Variants in GULP1 observed in about 807,000 individuals in gnomAD.
GULP1 encodes the protein GULP PTB domain containing engulfment adaptor 1, also known as PTB domain-containing engulfment adapter protein 1.
GULP1 carries 19 observed loss-of-function variants against 40.9 expected under a neutral mutation model. The observed-to-expected ratio is 0.46, with a 90% CI of 0.32 to 0.68. GULP1 has a LOEUF of 0.68. Ranked by LOEUF, GULP1 falls within the 30% of genes least tolerant of loss-of-function variation. GULP1 has a pLI of 0.03. For synonymous variants in GULP1, 119 were observed against 117.6 expected, an observed-to-expected ratio of 1.01 and a Z score of -0.08; for missense variants, 312 against 362.2, an observed-to-expected ratio of 0.86 and a Z score of 1.12.
At chr2:188,406,853 G>T (rs893248329) in intron 2 of GULP1, among the ~76,000 whole-genome samples, 9 of 151,930 alleles carry the variant, frequency 5.9e-5, no homozygotes, top group Non-Finnish European at 1.3e-4. Context: ...AAAAGACAAA[G>T]GGGAAGAAAA....
rs58687237 is a variant in GULP1 at position 188,515,706 on chromosome 2, G to GACAC, written c.91-7025_91-7022dup. ...ATACACATACACACTTACACACACA[G>GACAC]ACACACACACACACACACACACACA... is the stretch of plus-strand genomic sequence containing the variant. On this transcript the variant is annotated intron_variant, in intron 4 of 11. Coordinates refer to ENST00000409830, the MANE Select transcript of GULP1 (RefSeq NM_016315.4). Among the ~76,000 whole-genome samples the GACAC allele has an allele frequency of 2.2e-3, 322 of 145,444 alleles. 1 individual carries two copies. The highest frequency in any genetic ancestry group is 4.5e-3 in the Admixed American group (65 of 14,466).
intron 1 of GULP1, among the ~76,000 whole-genome samples, chr2:188,341,354 G>A (rs1260986611): frequency 6.6e-6 from 1 of 152,112 alleles, no homozygotes; most frequent in Non-Finnish European, 1.5e-5. Flanking sequence ...TCACAGCACA[G>A]TGCCAAGGGG....
At chr2:188,317,132 A>G (rs1387757817) in intron 1 of GULP1, among the ~76,000 whole-genome samples, 5 of 152,130 alleles carry the variant, frequency 3.3e-5, no homozygotes, top group Admixed American at 6.6e-5. Context: ...ACTCTCCCCC[A>G]TGATGTATGT....
intron 7 of GULP1, among the ~76,000 whole-genome samples, chr2:188,552,503 C>A (rs1693727787): frequency 6.6e-6 from 1 of 151,770 alleles, no homozygotes; most frequent in Non-Finnish European, 1.5e-5. Flanking sequence ...TTATTCTATT[C>A]CATTATTCTG....
intron 9 of GULP1, among the ~76,000 whole-genome samples, chr2:188,576,983 G>T (rs1298134158): frequency 6.6e-6 from 1 of 152,114 alleles, no homozygotes; most frequent in Non-Finnish European, 1.5e-5. Context: ...ATGAATGCCT[G>T]CAGAAGATTG....
chr2:188,540,026 T>C (rs577112530), intron 6 of GULP1, among the ~76,000 whole-genome samples: 5 of 152,138 alleles, frequency 3.3e-5, no homozygotes, highest in South Asian at 4.1e-4. Flanking sequence ...AAATAAAGCT[T>C]TTTTGGGGGA....
At chr2:188,533,687 A>T (rs759112629) in intron 6 of GULP1, among the ~76,000 whole-genome samples, 12 of 152,214 alleles carry the variant, frequency 7.9e-5, no homozygotes, top group Admixed American at 1.3e-4. Context: ...AACAGGGTAA[A>T]CAGACACCTA....
intron 4 of GULP1, among the ~76,000 whole-genome samples, chr2:188,505,610 G>C (rs180826966): frequency 8.6e-4 from 130 of 151,782 alleles, no homozygotes; most frequent in South Asian, 6.6e-3. Flanking sequence ...CAACCAAATA[G>C]ACACAGCATT....
intron 2 of GULP1, among the ~76,000 whole-genome samples, chr2:188,387,813 A>T (rs1233922347): frequency 6.6e-6 from 1 of 152,154 alleles, no homozygotes; most frequent in Non-Finnish European, 1.5e-5. Context: ...TCATTATTAT[A>T]TGGAGAGGAA....
Position 188,456,924 on chromosome 2 carries a change from A to G in GULP1, c.-44-20735A>G, listed in dbSNP as rs145737059. 5.9e-3 allele frequency among the ~76,000 whole-genome samples: 897 copies of G among 152,224 alleles called. 33 individuals carry two copies. The highest frequency in any genetic ancestry group is 0.054 in the Admixed American group (829 of 15,284). The stretch of plus-strand genomic sequence containing the variant: ...AGTATGACTTGGATGTGAGACATGG[A>G]GTCAAAACAGATCATTTTGGAGGTT... On this transcript the variant is annotated intron_variant, in intron 2 of 11. Transcript: ENST00000409830.
chr2:188,383,790 A>C lies in GULP1; in HGVS notation c.-144A>C, dbSNP rs2049311927. ...ATTTATGATTCCATCTGATATACAT[A>C]GGAGAGAAACTGATAGAAGAATTCT... is the stretch of plus-strand genomic sequence containing the variant. On this transcript the variant is annotated 5_prime_UTR_variant, in exon 2 of 12. Coordinates refer to ENST00000409830, the MANE Select transcript of GULP1 (RefSeq NM_016315.4). 1 of 152,302 alleles carries C rather than the reference A, an allele frequency of 6.6e-6. No individual in the cohort carries two copies. The highest frequency in any genetic ancestry group is 1.5e-5 in the Non-Finnish European group (1 of 68,010). The allele number at this position is 152,302 out of a possible 1,614,324, so 9.4% of individuals were successfully genotyped here.
At chr2:188,487,651 C>G (rs540179997) in intron 4 of GULP1, among the ~76,000 whole-genome samples, 104 of 151,970 alleles carry the variant, frequency 6.8e-4, no homozygotes, top group Non-Finnish European at 1.4e-3. Context: ...GCATTCCTTG[C>G]AAACCCTTTC....
chr2:188,466,151 A>G (rs569187831), intron 2 of GULP1, among the ~76,000 whole-genome samples: 114 of 152,148 alleles, frequency 7.5e-4, no homozygotes, highest in African/African-American at 2.6e-3. Flanking sequence ...TCTGCAACTC[A>G]TGGCCATTTT....
At chr2:188,513,767 C>A (rs2153214340) in intron 4 of GULP1, among the ~76,000 whole-genome samples, 1 of 151,892 alleles carries the variant, frequency 6.6e-6, no homozygotes, top group Admixed American at 6.6e-5. Context: ...CCTGATATTT[C>A]TTAAAAAAAA....
At chr2:188,456,307 G>C (rs576853488) in intron 2 of GULP1, among the ~76,000 whole-genome samples, 1 of 152,246 alleles carries the variant, frequency 6.6e-6, no homozygotes, top group African/African-American at 2.4e-5. Flanking sequence ...CTCCCATCAC[G>C]TGCCGGAAGG....
rs1559081964 is a variant in GULP1, at chr2:188,297,444, A to T, written c.-172+5278A>T. ...AAATGTAGTGTTTTCCTGGTATGGT[A>T]CAGCTTTTTCTTAATATTAGGTGTT... is the stretch of plus-strand genomic sequence containing the variant. On this transcript the variant is annotated intron_variant, in intron 1 of 11. Coordinates refer to ENST00000409830, the MANE Select transcript of GULP1 (RefSeq NM_016315.4). 4.3e-6 allele frequency: 2 copies of T among 463,420 alleles called. 1 individual carries two copies. The highest frequency in any genetic ancestry group is 4.9e-5 in the Admixed American group (2 of 40,920). The allele number at this position is 463,420 out of a possible 1,614,324, so 28.7% of individuals were successfully genotyped here.
At chr2:188,531,250 T>G (rs1362957210) in intron 6 of GULP1, among the ~76,000 whole-genome samples, 1 of 152,232 alleles carries the variant, frequency 6.6e-6, no homozygotes, top group Non-Finnish European at 1.5e-5. Context: ...GGGGATCTGC[T>G]GTTGTGCATG....
chr2:188,537,040 G>A (rs987569571), intron 6 of GULP1, among the ~76,000 whole-genome samples: 3 of 151,872 alleles, frequency 2.0e-5, no homozygotes, highest in South Asian at 2.1e-4. Context: ...TTTATATCTC[G>A]AAACTTTACT....
At chr2:188,558,834 T>A (rs1264143605) in intron 7 of GULP1, among the ~76,000 whole-genome samples, 1 of 152,100 alleles carries the variant, frequency 6.6e-6, no homozygotes, top group Non-Finnish European at 1.5e-5. Context: ...CACTAGAGAT[T>A]TGTGGAAGTT....
Sources: gnomAD v4.1 joint callset for allele counts (sites outside exome capture counted in the v4.1 genomes callset) on GRCh38, gnomAD v4.1.1 for gene constraint, MANE v1.5 for transcripts, NCBI Gene and HGNC (gene_info 2026-07-23, HGNC 2026-07-21) for gene names.